The following STK33 variants were observed in gnomAD, a reference collection of about 807,000 sequenced individuals.
STK33 encodes serine/threonine kinase 33, also known as serine/threonine-protein kinase 33.
A neutral mutation model predicts 58.0 loss-of-function variants in STK33; 52 were observed. The observed-to-expected ratio is 0.90, with a 90% CI of 0.72 to 1.13. The LOEUF is 1.13. Ranked by LOEUF, STK33 falls within the 50% of genes most tolerant of loss-of-function variation. The pLI is 0.00. For synonymous variants in STK33, 215 were observed against 200.1 expected, an observed-to-expected ratio of 1.07 and a Z score of -0.63; for missense variants, 630 against 604.2, an observed-to-expected ratio of 1.04 and a Z score of -0.45.
the STK33 span, among the ~76,000 whole-genome samples, chr11:8,344,198 A>AACACACACACACACACACACACACACAC: frequency 1.5e-5 from 2 of 137,118 alleles, no homozygotes; most frequent in African/African-American, 2.8e-5. Flanking sequence ...AAACAAACAA[A>AACACACACACACACACACACACACACAC]ACACACACAC....
At chr11:8,348,608 C>G in the STK33 span, among the ~76,000 whole-genome samples, 1 of 152,180 alleles carries the variant, frequency 6.6e-6, no homozygotes, top group Non-Finnish European at 1.5e-5. Flanking sequence ...ATCTCATCCT[C>G]CATTCTCCTT....
intron 15 of STK33, among the ~76,000 whole-genome samples, chr11:8,411,715 T>C (rs1009158152): frequency 6.6e-6 from 1 of 152,164 alleles, no homozygotes; most frequent in Non-Finnish European, 1.5e-5. Context: ...GGTGGAAGGT[T>C]TGTTACCCAC....
the STK33 span, among the ~76,000 whole-genome samples, chr11:8,362,006 A>G: frequency 1.3e-5 from 2 of 152,080 alleles, no homozygotes; most frequent in African/African-American, 2.4e-5. Context: ...ATTGCCCCAG[A>G]TGTGACATCA....
the STK33 span, among the ~76,000 whole-genome samples, chr11:8,340,054 T>A: frequency 6.6e-6 from 1 of 152,272 alleles, no homozygotes; most frequent in Non-Finnish European, 1.5e-5. Context: ...GGGAACCTGC[T>A]TTAATGAATA....
chr11:8,559,570 G>A (rs1451178356), intron 1 of STK33, among the ~76,000 whole-genome samples: 1 of 152,156 alleles, frequency 6.6e-6, no homozygotes, highest in Admixed American at 6.6e-5. Context: ...ACAAACATTA[G>A]TTGAACCTAC....
At chr11:8,384,680 CCT>C in the STK33 span, among the ~76,000 whole-genome samples, 24 of 152,166 alleles carry the variant, frequency 1.6e-4, no homozygotes, top group Non-Finnish European at 3.1e-4. Flanking sequence ...TGCTGTCCTC[CCT>C]GTCTGCTTCG....
chr11:8,421,594 C>A (rs972397872), intron 14 of STK33, among the ~76,000 whole-genome samples: 2 of 152,122 alleles, frequency 1.3e-5, no homozygotes, highest in Non-Finnish European at 2.9e-5. Flanking sequence ...TAGTCTTCCA[C>A]ATAAATTTTA....
intron 1 of STK33, among the ~76,000 whole-genome samples, chr11:8,540,576 A>G (rs112595385): frequency 5.9e-4 from 90 of 152,318 alleles, no homozygotes; most frequent in Middle Eastern, 3.4e-3. Flanking sequence ...AAGGAAGTAG[A>G]TCCTGCCATT....
intron 1 of STK33, among the ~76,000 whole-genome samples, chr11:8,582,626 G>T (rs74900039): frequency 6.6e-6 from 1 of 152,314 alleles, no homozygotes; most frequent in East Asian, 1.9e-4. Flanking sequence ...CCCTTGATAC[G>T]TGGGGATTAT....
intron 1 of STK33, among the ~76,000 whole-genome samples, chr11:8,588,306 CA>C (rs1000595476): frequency 3.3e-5 from 5 of 152,180 alleles, no homozygotes; most frequent in African/African-American, 9.7e-5. Context: ...GTCCTGTTAG[CA>C]ATATGGAATG....
chr11:8,488,997 G>T (rs1055743923), intron 1 of STK33, among the ~76,000 whole-genome samples: 1 of 152,022 alleles, frequency 6.6e-6, no homozygotes, highest in Admixed American at 6.5e-5. Context: ...GGTGGCTCAC[G>T]CCTATAAACC....
At chr11:8,348,334 A>C in the STK33 span, among the ~76,000 whole-genome samples, 2 of 152,066 alleles carry the variant, frequency 1.3e-5, no homozygotes, top group Non-Finnish European at 2.9e-5. Flanking sequence ...ACCTCAGGAG[A>C]CTTACAATCT....
At chr11:8,548,891 A>C (rs1956123447) in intron 1 of STK33, among the ~76,000 whole-genome samples, 1 of 152,148 alleles carries the variant, frequency 6.6e-6, no homozygotes, top group Non-Finnish European at 1.5e-5. Flanking sequence ...TAGCTATTGT[A>C]AATGGGATTA....
intron 1 of STK33, among the ~76,000 whole-genome samples, chr11:8,486,668 T>A (rs1044202023): frequency 6.6e-6 from 1 of 152,182 alleles, no homozygotes; most frequent in African/African-American, 2.4e-5. Flanking sequence ...GGTGAGAGAA[T>A]GACATAATAA....
chr11:8,377,017 T>G, the STK33 span, among the ~76,000 whole-genome samples: 1 of 152,194 alleles, frequency 6.6e-6, no homozygotes, highest in African/African-American at 2.4e-5. Flanking sequence ...GCTGTTTTCC[T>G]AGTATCACCT....
At chr11:8,551,080 A>T (rs2140566301) in intron 1 of STK33, among the ~76,000 whole-genome samples, 2 of 151,980 alleles carry the variant, frequency 1.3e-5, no homozygotes, top group South Asian at 4.2e-4. Flanking sequence ...TTTTACATGG[A>T]TGGCAGCAGG....
At chr11:8,553,453 G>A (rs1490066124) in intron 1 of STK33, among the ~76,000 whole-genome samples, 1 of 151,566 alleles carries the variant, frequency 6.6e-6, no homozygotes, top group Non-Finnish European at 1.5e-5. Flanking sequence ...AATGTTGCTA[G>A]GCAACAGGAA....
At chr11:8,509,620 G>A (rs1421526507) in intron 1 of STK33, among the ~76,000 whole-genome samples, 3 of 152,108 alleles carry the variant, frequency 2.0e-5, no homozygotes, top group Non-Finnish European at 4.4e-5. Flanking sequence ...CCCTAGCAGA[G>A]TACACTGTAC....
intron 1 of STK33, among the ~76,000 whole-genome samples, chr11:8,518,404 A>C: frequency 6.6e-6 from 1 of 152,222 alleles, no homozygotes. Context: ...AATTGTAAAG[A>C]CCATCAATGC....
Sources: gnomAD v4.1 joint callset for allele counts (sites outside exome capture counted in the v4.1 genomes callset) on GRCh38, gnomAD v4.1.1 for gene constraint, MANE v1.5 for transcripts, NCBI Gene and HGNC (gene_info 2026-07-23, HGNC 2026-07-21) for gene names.